The following SYNGR4 variants were observed in gnomAD, a reference collection of about 807,000 sequenced individuals.
SYNGR4 encodes synaptogyrin 4.
SYNGR4 carries 15 observed loss-of-function variants against 15.5 expected under a neutral mutation model. The observed-to-expected ratio is 0.97, with a 90% confidence interval of 0.65 to 1.49. The LOEUF (loss-of-function observed/expected upper bound fraction) is 1.49, where lower values mean the gene tolerates loss of function less well. SYNGR4 is among the 40% of genes most tolerant of loss of function. SYNGR4 has a pLI of 0.00. For synonymous variants in SYNGR4, 121 were observed against 127.4 expected (o/e 0.95, Z 0.34); for missense variants, 292 against 299.3 (o/e 0.98, Z 0.18).
At chr19:48,366,594 T>C (rs112005353) in intron 2 of SYNGR4, among the ~76,000 whole-genome samples, 14,342 of 151,598 alleles carry the variant, frequency 0.095, 2,264 homozygotes, top group African/African-American at 0.33. Context: ...TTAGTAGAGA[T>C]GGGGTTTCGC....
chr19:48,374,517 C>A (rs1032628081), intron 3 of SYNGR4, among the ~76,000 whole-genome samples: 6 of 152,338 alleles, frequency 3.9e-5, no homozygotes, highest in African/African-American at 1.2e-4. Flanking sequence ...CCCTGCCGCT[C>A]CTCCTCCCTA....
In SYNGR4 at chr19:48,374,359, G is replaced by A. The variant is rs574460223; in HGVS notation, c.331+605G>A. ...CTCCCAAAGTGCTGGGATTACAGGC[G>A]TGAGCCACCACGCCCAGCCAAAGTC... On this transcript the variant is annotated intron_variant, in intron 3 of 4. Transcript: ENST00000344846. Among the ~76,000 whole-genome samples the A allele has an allele frequency of 1.5e-3, 236 of 152,284 alleles. 1 individual carries two copies. Among genetic ancestry groups the A allele is most frequent in the African/African-American group, 5.5e-3 (227 of 41,566 alleles).
In SYNGR4 at chr19:48,366,021, G is replaced by A. The variant is rs1970215264; in HGVS notation, c.93+86G>A. 26 of 1,390,460 alleles carry A rather than the reference G, an allele frequency of 1.9e-5. No individual in the cohort carries two copies. In the South Asian group the frequency reaches 2.6e-4, roughly 14 times the overall value. 86.1% of individuals were successfully genotyped at this position (1,390,460 alleles called of 1,614,324 possible). On this transcript the variant is annotated intron_variant, in intron 2 of 4. Transcript: ENST00000344846. ...CCCAGACACAGTGCGGGAGATGGGA[G>A]GACAAGGAAGGGGTCAGACGGGGAA...
intron 2 of SYNGR4, among the ~76,000 whole-genome samples, chr19:48,369,005 G>T (rs1449218995): frequency 1.3e-5 from 2 of 152,236 alleles, no homozygotes; most frequent in East Asian, 3.8e-4. Flanking sequence ...AGGGCGGGTG[G>T]CAAGGAGACG....
chr19:48,373,971 C>A (rs1015304009), intron 3 of SYNGR4, among the ~76,000 whole-genome samples: 2 of 152,150 alleles, frequency 1.3e-5, no homozygotes, highest in Admixed American at 6.6e-5. Context: ...ATCCTTCAGA[C>A]CCTGGGTAAG....
chr19:48,376,058 C>T, intron 4 of SYNGR4, 27 bp from the exon 5 acceptor site: 1 of 1,614,088 alleles, frequency 6.2e-7, no homozygotes, highest in Admixed American at 1.7e-5. Context: ...CCAAGTCAGC[C>T]TTCAGCACGC....
At chr19:48,372,220 C>T (rs1171777412) in intron 2 of SYNGR4, among the ~76,000 whole-genome samples, 1 of 151,980 alleles carries the variant, frequency 6.6e-6, no homozygotes, top group Non-Finnish European at 1.5e-5. Context: ...AACTCCTTAT[C>T]CTCTCTGTGC....
chr19:48,371,061 C>T (rs1226541319), intron 2 of SYNGR4, among the ~76,000 whole-genome samples: 1 of 152,214 alleles, frequency 6.6e-6, no homozygotes, highest in Non-Finnish European at 1.5e-5. Flanking sequence ...CGGCTCCTGG[C>T]CCTGGTGTTC....
intron 1 of SYNGR4, among the ~76,000 whole-genome samples, chr19:48,364,949 C>T (rs1970166739): frequency 6.6e-6 from 1 of 151,844 alleles, no homozygotes; most frequent in African/African-American, 2.4e-5. Flanking sequence ...TCCCTGACAG[C>T]CCTCTCGCCC....
rs753059068 is a variant in SYNGR4, at chr19:48,376,112, G to T, written c.499G>T (p.Asp167Tyr). The change falls in exon 5 of 5, where the codon GAC becomes TAC. Residue 167 changes from aspartate (D) to tyrosine (Y), a missense_variant. By Grantham distance (160) the Asp-to-Tyr change is radical. Coordinates refer to ENST00000344846, the MANE Select transcript of SYNGR4 (RefSeq NM_012451.4). ...ATTCCAGGCCTACCTGGCATTCCAG[G>T]ACCTCCGAAATGATGCTCCAGTCCC... ...WIFQAYLAFQ[D>Y]LRNDAPVPYK... 1 of 1,614,030 alleles carries T rather than the reference G, an allele frequency of 6.2e-7. No individual in the cohort carries two copies. Among genetic ancestry groups the T allele is most frequent in the African/African-American group, 1.3e-5 (1 of 75,010 alleles).
chr19:48,376,362 AG>A lies in SYNGR4; in HGVS notation c.*47del. ...ATAAAGAGAGAATCCTCCCTCCAGA[AG>A]GGTTTCTAAAAACAGCCCTCAGTCC... On this transcript the variant is annotated 3_prime_UTR_variant, in exon 5 of 5. Coordinates refer to ENST00000344846, the MANE Select transcript of SYNGR4 (RefSeq NM_012451.4). The A allele has an allele frequency of 1.3e-6, 2 of 1,591,072 alleles. No homozygotes were observed. Among genetic ancestry groups the A allele is most frequent in the Non-Finnish European group, 1.7e-6 (2 of 1,170,290 alleles).
chr19:48,373,552 C>G lies in SYNGR4; in HGVS notation c.129C>G (p.Thr43=), dbSNP rs201049628. 5.6e-6 allele frequency: 9 copies of G among 1,613,778 alleles called. No homozygotes were observed. The East Asian group carries it at 2.0e-4, about 36-fold the overall frequency. ...TGATCGTCTTCTCCTCCCTGCTGAC[C>G]GACGGCTACCAGAACAAGATGGAGT... The part of the protein sequence containing the change: ...FSLIVFSSLL[T]DGYQNKMESP... The change falls in exon 3 of 5, where the codon ACC becomes ACG. Residue 43 remains threonine, a synonymous_variant. Transcript: ENST00000344846.
intron 4 of SYNGR4, 120 bp from the exon 5 acceptor site, chr19:48,375,965 G>A: frequency 6.4e-7 from 1 of 1,550,960 alleles, no homozygotes; most frequent in African/African-American, 1.4e-5. Context: ...GGGCTCCTGG[G>A]CAGTGAGCAG....
In SYNGR4 at chr19:48,373,663, C is replaced by T. The variant is rs1171608249; in HGVS notation, c.240C>T (p.Cys80=). 2 of 1,613,916 alleles carry T rather than the reference C, an allele frequency of 1.2e-6. No individual in the cohort carries two copies. The highest frequency in any genetic ancestry group is 1.7e-6 in the Non-Finnish European group (2 of 1,180,028). Residue 80 remains cysteine, a synonymous_variant, in exon 3 of 5, where the codon TGC becomes TGT. Coordinates refer to ENST00000344846, the MANE Select transcript of SYNGR4 (RefSeq NM_012451.4). ...VGAGFLAFLS[C]LAFLVLDTQE... is the part of the protein sequence containing the mutation. ...CCGGCTTCCTGGCCTTCCTCAGCTG[C>T]CTGGCCTTCCTCGTCCTGGACACAC...
In SYNGR4 at chr19:48,365,818, G is replaced by A. The variant is rs186136673; in HGVS notation, c.-25G>A. On this transcript the variant is annotated 5_prime_UTR_variant, in exon 2 of 5. The change creates a new upstream start codon in the 5' untranslated region. Transcript: ENST00000344846. ...CCAGCACCCTGGCTCCCACCTCCCA[G>A]TGGCCCCAAAGGAAAACAGCTGCCA... 506 of 1,612,744 alleles carry A rather than the reference G, an allele frequency of 3.1e-4. No homozygotes were observed. The highest frequency in any genetic ancestry group is 3.8e-4 in the Non-Finnish European group (443 of 1,179,686).
In SYNGR4 at chr19:48,376,270, T is replaced by A; in HGVS notation, c.657T>A (p.Cys219Ter). The A allele has an allele frequency of 3.1e-6, 5 of 1,613,556 alleles. No homozygotes were observed. The highest frequency in any genetic ancestry group is 4.2e-6 in the Non-Finnish European group (5 of 1,179,872). ...LSYASSALSP[C>*]LTAPKSPRLA... ...ATGCTAGCTCTGCCCTGTCCCCCTG[T>A]CTGACCGCTCCAAAGTCCCCCCGGC... The change falls in exon 5 of 5, where the codon TGT becomes TGA. Residue 219 changes from cysteine (C) to a stop codon, truncating the protein, a stop_gained. Coordinates refer to ENST00000344846, the MANE Select transcript of SYNGR4 (RefSeq NM_012451.4). LOFTEE classifies it high-confidence loss of function.
intron 3 of SYNGR4, 53 bp downstream of exon 3, chr19:48,373,807 C>T (rs2147410024): frequency 1.3e-6 from 2 of 1,578,072 alleles, no homozygotes; most frequent in South Asian, 2.2e-5. Context: ...GCTCACAGCC[C>T]TCCTGGCTCC....
At chr19:48,375,056 C>T (rs1042551920) in intron 3 of SYNGR4, among the ~76,000 whole-genome samples, 6 of 140,804 alleles carry the variant, frequency 4.3e-5, no homozygotes, top group Non-Finnish European at 7.6e-5. Flanking sequence ...GACAGAGTTG[C>T]GCTCTGTCGC....
At chr19:48,366,241 T>C (rs1970219709) in intron 2 of SYNGR4, among the ~76,000 whole-genome samples, 1 of 151,896 alleles carries the variant, frequency 6.6e-6, no homozygotes, top group Non-Finnish European at 1.5e-5. Flanking sequence ...ACAATCTTAA[T>C]TAGCCAGGCA....
Sources: allele counts gnomAD v4.1 joint callset (sites outside exome capture counted in the v4.1 genomes callset), GRCh38; gene constraint gnomAD v4.1.1; transcripts MANE v1.5; gene names NCBI Gene and HGNC (gene_info 2026-07-23, HGNC 2026-07-21).